The following WAC variants were observed in gnomAD, a reference collection of about 807,000 sequenced individuals.
WAC encodes WW domain containing adaptor with coiled-coil, also known as WW domain-containing adapter protein with coiled-coil.
In WAC, 11 loss-of-function variants were observed where a neutral mutation model predicts 79.6. The observed-to-expected ratio is 0.14, with a 90% CI of 0.09 to 0.23. The LOEUF (loss-of-function observed/expected upper bound fraction) is 0.23, where lower values mean the gene tolerates loss of function less well. Ranked by LOEUF, WAC falls within the 10% of genes least tolerant of loss-of-function variation. The pLI is 1.00. For missense variants in WAC, 728 were observed against 773.5 expected (o/e 0.94, Z 0.70); for synonymous variants, 304 against 276.9 (o/e 1.10, Z -0.97).
At chr10:28,574,525 C>T (rs1395100780) in intron 3 of WAC, among the ~76,000 whole-genome samples, 1 of 152,150 alleles carries the variant, frequency 6.6e-6, no homozygotes, top group East Asian at 1.9e-4. Context: ...TCACTGCAGC[C>T]TCTGCCTCCC....
At chr10:28,545,693 A>G (rs1837315717) in intron 3 of WAC, among the ~76,000 whole-genome samples, 2 of 152,202 alleles carry the variant, frequency 1.3e-5, no homozygotes, top group African/African-American at 4.8e-5. Context: ...TCTATCATCT[A>G]GATTCACAGA....
rs71281550 is a variant in WAC, at chr10:28,563,744, C to CTTT, written c.275-19628_275-19626dup. Among the ~76,000 whole-genome samples, 364 of 67,848 alleles carry CTTT rather than the reference C, an allele frequency of 5.4e-3. 19 individuals are homozygous for CTTT. Among genetic ancestry groups the CTTT allele is most frequent in the East Asian group, 0.03 (31 of 1,036 alleles). The allele number at this position is 67,848 out of a possible 152,430, so 44.5% of individuals were successfully genotyped here. A position where few individuals can be genotyped will look rare whatever the true frequency, so the allele number is the denominator to read the frequency against. ...ACAAGTGCATGCTGCCTACACCCAG[C>CTTT]TTTTTTTTTTTTTTTTTTTTTTTTT... On this transcript the variant is annotated intron_variant, in intron 3 of 13. Coordinates refer to ENST00000354911, the MANE Select transcript of WAC (RefSeq NM_016628.5).
At position 28,549,068 on chromosome 10, in the gene WAC, T is replaced by C. The variant is rs960219158; in HGVS notation, c.274+13311T>C. Among the ~76,000 whole-genome samples, 9 of 152,274 alleles carry C rather than the reference T, an allele frequency of 5.9e-5. 1 individual carries two copies. The highest frequency in any genetic ancestry group is 5.2e-4 in the Admixed American group (8 of 15,284). On this transcript the variant is annotated intron_variant, in intron 3 of 13. Coordinates refer to ENST00000354911, the MANE Select transcript of WAC (RefSeq NM_016628.5). ...CATATGCTGCCACTTCTGGCTAATT[T>C]TTGCATTTTTTATAGAGACAGAGTT... is the stretch of plus-strand genomic sequence containing the variant.
chr10:28,556,682 C>G (rs576963394), intron 3 of WAC, among the ~76,000 whole-genome samples: 1 of 151,980 alleles, frequency 6.6e-6, no homozygotes, highest in East Asian at 1.9e-4. Context: ...TGTGGGAGTT[C>G]TACAGTCTCA....
chr10:28,535,934 G>A, intron 3 of WAC, 177 bp downstream of exon 3: 1 of 576,912 alleles, frequency 1.7e-6, no homozygotes, highest in Non-Finnish European at 2.8e-6. Context: ...AGATGCTGAT[G>A]TGAGCATCTA....
At chr10:28,603,949 ATATGTATGTATGT>A (rs1180084593) in intron 7 of WAC, among the ~76,000 whole-genome samples, 14,810 of 32,562 alleles carry the variant, frequency 0.45, 3,178 homozygotes, top group East Asian at 0.63. Flanking sequence ...AAAAATATAT[ATATGTATGTATGT>A]ATATATATAT....
Position 28,534,005 on chromosome 10 carries a change from G to C in WAC, c.49G>C (p.Asp17His), listed in dbSNP as rs753623992. 2 of 1,602,944 alleles carry C rather than the reference G, an allele frequency of 1.2e-6. No homozygotes were observed. ...TCTCTTCCTGTTTTTCAGCTGTCAC[G>C]ACCGGAGGGGGGACTCGCAGCCTTA... is the stretch of plus-strand genomic sequence containing the variant. Reference protein sequence around the residue: ...KQQRLSDGCHDRRGDSQPYQA... With the variant: ...KQQRLSDGCHHRRGDSQPYQA... Residue 17 changes from aspartate to histidine, a missense_variant, in exon 2 of 14, where the codon GAC becomes CAC. By Grantham distance (81) the Asp-to-His change is moderately conservative (BLOSUM62 -1). Transcript: ENST00000354911.
chr10:28,614,960 C>A (rs1841412234), intron 11 of WAC: 1 of 246,354 alleles, frequency 4.1e-6, no homozygotes, highest in Non-Finnish European at 7.8e-6. Flanking sequence ...GATACTTGTA[C>A]CAGAAAGGCA....
intron 11 of WAC, chr10:28,614,933 C>T (rs1271957328): frequency 1.3e-5 from 4 of 297,490 alleles, no homozygotes; most frequent in African/African-American, 2.2e-5. Context: ...TGGAATATGA[C>T]GGGGCTAAAG....
rs764985111 is a variant in WAC at position 28,535,576 on chromosome 10, A to G, written c.93A>G (p.Ser31=). The change falls in exon 3 of 14, where the codon TCA becomes TCG. Residue 31 remains serine, a synonymous_variant. Transcript: ENST00000354911. ...DSQPYQALKY[S]SKSHPSSGDH... ...ATGTTTTACAGGCACTTAAGTATTC[A>G]TCGAAGAGTCACCCCAGTAGCGGTG... 6.2e-7 allele frequency: 1 copy of G among 1,610,560 alleles called. No individual in the cohort carries two copies. Among genetic ancestry groups the G allele is most frequent in the African/African-American group, 1.3e-5 (1 of 74,744 alleles).
intron 1 of WAC, 60 bp from the exon 2 acceptor site, chr10:28,533,935 TTCC>T: frequency 6.3e-7 from 1 of 1,588,442 alleles, no homozygotes; most frequent in African/African-American, 1.4e-5. Flanking sequence ...CCCCGTTTTC[TTCC>T]TCCCCGGCCC....
chr10:28,591,481 A>G (rs898261056), intron 6 of WAC: 1 of 152,254 alleles, frequency 6.6e-6, no homozygotes, highest in Non-Finnish European at 1.5e-5. Flanking sequence ...ACAATTTTGT[A>G]TAACATACAT....
intron 7 of WAC, among the ~76,000 whole-genome samples, chr10:28,606,826 C>T (rs933985939): frequency 3.3e-5 from 5 of 152,140 alleles, no homozygotes; most frequent in Admixed American, 6.5e-5. Context: ...ATGTAGTGTT[C>T]GTATCTTCAA....
intron 7 of WAC, among the ~76,000 whole-genome samples, chr10:28,601,835 G>GAATGGTCAAATTCATAC (rs1411884009): frequency 6.6e-6 from 1 of 152,142 alleles, no homozygotes; most frequent in Admixed American, 6.6e-5. Context: ...AGGGTACCCA[G>GAATGGTCAAATTCATAC]AATGGTCAAA....
At chr10:28,534,991 TACTC>T (rs1361438829) in intron 2 of WAC, among the ~76,000 whole-genome samples, 4 of 152,210 alleles carry the variant, frequency 2.6e-5, no homozygotes, top group Non-Finnish European at 5.9e-5. Flanking sequence ...TTAGAAATAG[TACTC>T]ACATTAGTTT....
chr10:28,619,005 G>A (rs548043467), intron 13 of WAC, among the ~76,000 whole-genome samples: 62 of 152,338 alleles, frequency 4.1e-4, no homozygotes, highest in Non-Finnish European at 6.0e-4. Context: ...AAGGCTGGGC[G>A]CGGTGGCTAA....
intron 3 of WAC, among the ~76,000 whole-genome samples, chr10:28,550,937 A>T (rs1052098129): frequency 1.3e-5 from 2 of 152,182 alleles, no homozygotes; most frequent in Admixed American, 1.3e-4. Flanking sequence ...GCTGTATGTG[A>T]TTTGAATACT....
chr10:28,605,009 A>G (rs1011184231), intron 7 of WAC, among the ~76,000 whole-genome samples: 1 of 152,250 alleles, frequency 6.6e-6, no homozygotes, highest in Non-Finnish European at 1.5e-5. Context: ...GGCATGTAAC[A>G]TAAGAAATAT....
At chr10:28,561,671 C>T (rs1838306171) in intron 3 of WAC, among the ~76,000 whole-genome samples, 1 of 152,148 alleles carries the variant, frequency 6.6e-6, no homozygotes, top group African/African-American at 2.4e-5. Context: ...CCCTGGGCCA[C>T]AGACCAGTAC....
Sources: gnomAD v4.1 joint callset for allele counts (sites outside exome capture counted in the v4.1 genomes callset) on GRCh38, gnomAD v4.1.1 for gene constraint, MANE v1.5 for transcripts, NCBI Gene and HGNC (gene_info 2026-07-23, HGNC 2026-07-21) for gene names.